Variants in CACNA2D1 observed in about 807,000 individuals in gnomAD.
The protein encoded by CACNA2D1 is calcium voltage-gated channel auxiliary subunit alpha2delta 1, also known as voltage-dependent calcium channel subunit alpha-2/delta-1.
CACNA2D1 carries 53 observed loss-of-function variants against 171.5 expected under a neutral mutation model. That is an observed-to-expected ratio of 0.31 (90% CI 0.25 to 0.39). The LOEUF is 0.39. CACNA2D1 is among the 10% of genes least tolerant of loss of function. CACNA2D1 has a pLI of 1.00. For missense variants in CACNA2D1, 903 were observed against 1,299.8 expected, an observed-to-expected ratio of 0.69 and a Z score of 4.69; for synonymous variants, 442 against 443.1, an observed-to-expected ratio of 1.00 and a Z score of 0.03.
intron 1 of CACNA2D1, among the ~76,000 whole-genome samples, chr7:82,387,749 A>G (rs1824575208): frequency 6.6e-6 from 1 of 152,186 alleles, no homozygotes; most frequent in African/African-American, 2.4e-5. Flanking sequence ...AGAATAGCTT[A>G]AGTGTTCAGG....
rs369670702 is a variant in CACNA2D1 at position 82,182,457 on chromosome 7, G to A, written c.295-11848C>T. 3.4e-4 allele frequency among the ~76,000 whole-genome samples: 52 copies of A among 152,012 alleles called. 1 individual carries two copies. The highest frequency in any genetic ancestry group is 2.7e-3 in the South Asian group (13 of 4,802). Reference sequence around the variant, plus strand: ...TCTACCAAAATAACAAAAACAAAATGTAACTGGACATGATCTAAATTGACA... The same window carrying A: ...TCTACCAAAATAACAAAAACAAAATATAACTGGACATGATCTAAATTGACA... On this transcript the variant is annotated intron_variant, in intron 3 of 38. Transcript: ENST00000356860.
intron 38 of CACNA2D1, among the ~76,000 whole-genome samples, chr7:81,953,137 T>G (rs1203379163): frequency 6.6e-6 from 1 of 152,052 alleles, no homozygotes; most frequent in Admixed American, 6.6e-5. Flanking sequence ...TCCCCAAACT[T>G]ACTGCTTGTC....
intron 3 of CACNA2D1, among the ~76,000 whole-genome samples, chr7:82,227,461 G>A (rs1802478797): frequency 6.6e-6 from 1 of 152,210 alleles, no homozygotes; most frequent in African/African-American, 2.4e-5. Flanking sequence ...TCAGATTAGT[G>A]ATTAGTTTAG....
At chr7:82,410,987 T>G (rs1016550915) in intron 1 of CACNA2D1, among the ~76,000 whole-genome samples, 4 of 152,238 alleles carry the variant, frequency 2.6e-5, no homozygotes, top group Non-Finnish European at 5.9e-5. Context: ...AAGATATTTT[T>G]TCACATGTAT....
intron 3 of CACNA2D1, among the ~76,000 whole-genome samples, chr7:82,192,211 T>C (rs964574085): frequency 4.6e-5 from 7 of 151,536 alleles, no homozygotes; most frequent in Non-Finnish European, 7.4e-5. Flanking sequence ...AGTCATTTCA[T>C]ATTCAGTAAG....
chr7:82,067,486 A>C (rs903468280), intron 7 of CACNA2D1, among the ~76,000 whole-genome samples: 6 of 152,212 alleles, frequency 3.9e-5, no homozygotes, highest in Non-Finnish European at 8.8e-5. Flanking sequence ...GATATGTCAA[A>C]AACTATATAC....
intron 10 of CACNA2D1, among the ~76,000 whole-genome samples, chr7:82,051,582 C>G (rs908785377): frequency 6.6e-6 from 1 of 152,108 alleles, no homozygotes. Flanking sequence ...ACATGTGCAT[C>G]TAATTCTTTA....
In CACNA2D1 at chr7:81,981,562, T is replaced by A. The variant is rs547581279; in HGVS notation, c.1955+1005A>T. Reference sequence around the variant, plus strand: ...TATATGCATCTTTGAGTTTTTGGAATAATTTAAGAAAAGTGAAAAATTAAC... The same window carrying A: ...TATATGCATCTTTGAGTTTTTGGAAAAATTTAAGAAAAGTGAAAAATTAAC... On this transcript the variant is annotated intron_variant, in intron 24 of 38. Coordinates refer to ENST00000356860, the MANE Select transcript of CACNA2D1 (RefSeq NM_000722.4). Among the ~76,000 whole-genome samples the A allele has an allele frequency of 2.0e-5, 3 of 152,238 alleles. No individual in the cohort carries two copies. The South Asian group carries it at 6.2e-4, about 31-fold the overall frequency.
intron 10 of CACNA2D1, among the ~76,000 whole-genome samples, chr7:82,055,192 G>A (rs1805669066): frequency 6.6e-6 from 1 of 152,160 alleles, no homozygotes; most frequent in Non-Finnish European, 1.5e-5. Context: ...CTAGGATGAG[G>A]ACATCTAAGT....
At chr7:82,228,689 T>C (rs1802602752) in intron 3 of CACNA2D1, among the ~76,000 whole-genome samples, 1 of 152,134 alleles carries the variant, frequency 6.6e-6, no homozygotes, top group South Asian at 2.1e-4. Flanking sequence ...GGTGAGAACT[T>C]AATAAAATAG....
At chr7:82,147,290 G>A (rs967796859) in intron 4 of CACNA2D1, among the ~76,000 whole-genome samples, 89 of 152,076 alleles carry the variant, frequency 5.9e-4, no homozygotes, top group African/African-American at 2.0e-3. Context: ...AACTTTAATA[G>A]GAATCTGCCT....
At chr7:81,955,985 T>A (rs1159472393) in intron 38 of CACNA2D1, among the ~76,000 whole-genome samples, 307 of 67,312 alleles carry the variant, frequency 4.6e-3, no homozygotes, top group African/African-American at 0.018. Context: ...TATATATTTT[T>A]TTTTTTTTTT....
At chr7:81,998,483 G>A (rs1214363469) in intron 18 of CACNA2D1, among the ~76,000 whole-genome samples, 2 of 151,944 alleles carry the variant, frequency 1.3e-5, no homozygotes, top group Non-Finnish European at 2.9e-5. Flanking sequence ...ATCTTATCAA[G>A]ATGTTGAATG....
At chr7:81,952,688 G>C (rs2129987115) in intron 38 of CACNA2D1, among the ~76,000 whole-genome samples, 1 of 152,080 alleles carries the variant, frequency 6.6e-6, no homozygotes, top group Admixed American at 6.6e-5. Flanking sequence ...TAAAATGTTA[G>C]ACTTTTCCAG....
rs1399297244 is a variant in CACNA2D1 at position 81,949,406 on chromosome 7, T to C, written c.*986A>G. On this transcript the variant is annotated 3_prime_UTR_variant, in exon 39 of 39. Coordinates refer to ENST00000356860, the MANE Select transcript of CACNA2D1 (RefSeq NM_000722.4). ...ACACTGCAAGGTTCAGATTCTTACA[T>C]AACAATATCACTCAGTTAACTTTTC... The C allele has an allele frequency of 2.0e-5, 3 of 152,022 alleles. No homozygotes were observed. The highest frequency in any genetic ancestry group is 2.0e-4 in the Admixed American group (3 of 15,246). The allele number at this position is 152,022 out of a possible 1,614,324, so 9.4% of individuals were successfully genotyped here.
At chr7:81,954,507 A>G (rs923611883) in intron 38 of CACNA2D1, among the ~76,000 whole-genome samples, 7 of 152,020 alleles carry the variant, frequency 4.6e-5, no homozygotes, top group African/African-American at 1.7e-4. Context: ...ATGCGTTACC[A>G]GTGGCTAAAA....
intron 12 of CACNA2D1, among the ~76,000 whole-genome samples, chr7:82,023,691 C>T (rs539824728): frequency 3.8e-4 from 57 of 151,706 alleles, no homozygotes; most frequent in Admixed American, 1.3e-3. Context: ...GTGAGATCTA[C>T]CATCCTAACA....
At chr7:82,018,991 G>T (rs1159573493) in intron 12 of CACNA2D1, among the ~76,000 whole-genome samples, 1 of 149,782 alleles carries the variant, frequency 6.7e-6, no homozygotes. Context: ...CTGTCTTGGT[G>T]GGGTGGGGGT....
intron 3 of CACNA2D1, among the ~76,000 whole-genome samples, chr7:82,323,733 C>T (rs768616443): frequency 9.9e-5 from 15 of 152,192 alleles, no homozygotes; most frequent in Non-Finnish European, 1.8e-4. Context: ...AAACCCAACA[C>T]TCCCTTTCCC....
Sources: allele counts gnomAD v4.1 joint callset (sites outside exome capture counted in the v4.1 genomes callset), GRCh38; gene constraint gnomAD v4.1.1; transcripts MANE v1.5; gene names NCBI Gene and HGNC (gene_info 2026-07-23, HGNC 2026-07-21).